ARHGAP24: variants seen among roughly 807,000 people sequenced by gnomAD.
The protein encoded by ARHGAP24 is Rho GTPase activating protein 24, also known as rho GTPase-activating protein 24.
Under a neutral mutation model 76.4 loss-of-function variants are expected in ARHGAP24, and 50 were observed. The observed-to-expected ratio is 0.65, with a 90% CI of 0.52 to 0.83. The LOEUF is 0.83. Among genes scored for constraint, ARHGAP24 ranks in the 40% least tolerant of loss-of-function variants. The probability of loss-of-function intolerance (pLI) is 0.00; values close to 1 mark genes in which losing one functional copy is unlikely to be tolerated. For missense variants in ARHGAP24, 930 were observed against 914.2 expected, an observed-to-expected ratio of 1.02 and a Z score of -0.22; for synonymous variants, 345 against 323.3, an observed-to-expected ratio of 1.07 and a Z score of -0.72.
chr4:85,966,585 T>C (rs1578442892), intron 5 of ARHGAP24, among the ~76,000 whole-genome samples: 1 of 152,172 alleles, frequency 6.6e-6, no homozygotes, highest in Non-Finnish European at 1.5e-5. Context: ...AAAGAGATGC[T>C]GAATTTAGTC....
intron 3 of ARHGAP24, among the ~76,000 whole-genome samples, chr4:85,904,635 A>G (rs1365893173): frequency 6.6e-6 from 1 of 152,262 alleles, no homozygotes; most frequent in Non-Finnish European, 1.5e-5. Context: ...CTGAAAATTA[A>G]TTTTTGGTTT....
At chr4:85,819,912 G>A (rs2110122410) in intron 3 of ARHGAP24, among the ~76,000 whole-genome samples, 1 of 149,710 alleles carries the variant, frequency 6.7e-6, no homozygotes, top group African/African-American at 2.6e-5. Context: ...AATTTCCTGA[G>A]ACCTCCCCAG....
rs573356688 is a variant in ARHGAP24 at position 86,001,460 on chromosome 4, C to T, written c.*738C>T. On this transcript the variant is annotated 3_prime_UTR_variant, in exon 10 of 10. Transcript: ENST00000395184. ...ACCTTGCCAGATCCTCAGTGCGTAT[C>T]GCCAATGCAGGATGCTCCTTAGAAA... 6.6e-4 allele frequency: 264 copies of T among 398,774 alleles called. No individual in the cohort carries two copies. Among genetic ancestry groups the T allele is most frequent in the Non-Finnish European group, 5.2e-4 (117 of 226,048 alleles). The allele number at this position is 398,774 out of a possible 1,614,324, so 24.7% of individuals were successfully genotyped here.
At chr4:85,970,222 T>C (rs958440620) in intron 5 of ARHGAP24, among the ~76,000 whole-genome samples, 1 of 152,176 alleles carries the variant, frequency 6.6e-6, no homozygotes, top group African/African-American at 2.4e-5. Context: ...GACAGGAGGC[T>C]TCCTCCCACT....
chr4:85,914,358 G>T (rs1394285333), intron 3 of ARHGAP24, among the ~76,000 whole-genome samples: 1 of 152,144 alleles, frequency 6.6e-6, no homozygotes, highest in African/African-American at 2.4e-5. Flanking sequence ...CACCCAGCAG[G>T]CATCTTAAAA....
intron 1 of ARHGAP24, among the ~76,000 whole-genome samples, chr4:85,494,235 A>C (rs1045930031): frequency 6.6e-5 from 10 of 151,814 alleles, no homozygotes; most frequent in African/African-American, 1.9e-4. Context: ...TGCCATGGTG[A>C]TTTGCTGCAC....
At chr4:85,494,981 C>G (rs1384476519) in intron 1 of ARHGAP24, among the ~76,000 whole-genome samples, 1 of 151,294 alleles carries the variant, frequency 6.6e-6, no homozygotes, top group African/African-American at 2.4e-5. Context: ...GCCTGTAGTC[C>G]CAGCTACTCG....
At chr4:85,974,059 T>C (rs964989908) in intron 6 of ARHGAP24, among the ~76,000 whole-genome samples, 13 of 151,000 alleles carry the variant, frequency 8.6e-5, no homozygotes, top group Non-Finnish European at 1.9e-4. Context: ...GGTTTCACCT[T>C]GTTAGCCAGG....
chr4:85,669,658 TA>T, intron 2 of ARHGAP24, among the ~76,000 whole-genome samples: 1 of 55,852 alleles, frequency 1.8e-5, no homozygotes, highest in African/African-American at 6.1e-5. Context: ...TATATATATA[TA>T]TATATATATA....
At chr4:85,878,155 G>C (rs1392290406) in intron 3 of ARHGAP24, among the ~76,000 whole-genome samples, 2 of 152,098 alleles carry the variant, frequency 1.3e-5, no homozygotes, top group African/African-American at 4.8e-5. Context: ...TAGATAGGTA[G>C]ATAGAAAAAC....
chr4:85,785,607 A>T (rs950367065), intron 3 of ARHGAP24, among the ~76,000 whole-genome samples: 1 of 152,044 alleles, frequency 6.6e-6, no homozygotes, highest in East Asian at 1.9e-4. Context: ...TTCAATGCTT[A>T]TATGTGGTTT....
intron 3 of ARHGAP24, among the ~76,000 whole-genome samples, chr4:85,722,928 T>G (rs945921542): frequency 1.3e-5 from 2 of 152,180 alleles, no homozygotes; most frequent in Non-Finnish European, 2.9e-5. Context: ...TTCCCCTCGA[T>G]GAAAACAGCT....
At chr4:85,630,266 A>G (rs1721116094) in intron 2 of ARHGAP24, among the ~76,000 whole-genome samples, 1 of 152,018 alleles carries the variant, frequency 6.6e-6, no homozygotes. Flanking sequence ...GTATCATTTA[A>G]TTGTCTATTT....
At chr4:85,553,148 C>G (rs1255033757) in intron 1 of ARHGAP24, among the ~76,000 whole-genome samples, 2 of 152,068 alleles carry the variant, frequency 1.3e-5, no homozygotes, top group Non-Finnish European at 2.9e-5. Context: ...GGTTTGTGGT[C>G]TCGCTGGCTT....
chr4:85,971,916 G>A (rs1739007179), intron 5 of ARHGAP24, 120 bp from the exon 6 acceptor site: 3 of 1,420,916 alleles, frequency 2.1e-6, no homozygotes, highest in Middle Eastern at 1.8e-4. Flanking sequence ...TCTGAAAACT[G>A]GGTTGATTCA....
chr4:85,994,813 A>G lies in ARHGAP24; in HGVS notation c.1159A>G (p.Met387Val), dbSNP rs1463052464. Residue 387 changes from methionine to valine, a missense_variant, in exon 9 of 10, where the codon ATG (methionine) becomes GTG (valine). Met to Val is a conservative substitution (Grantham distance 21). Transcript: ENST00000395184. ...DKSESPQRSS[M>V]NNGSPTALSG... ...GTCTGAGTCACCCCAGAGAAGCAGC[A>G]TGAACAATGGATCCCCCACAGCTCT... 1.9e-6 allele frequency: 3 copies of G among 1,614,070 alleles called. No homozygotes were observed. Among genetic ancestry groups the G allele is most frequent in the South Asian group, 2.2e-5 (2 of 91,090 alleles).
At chr4:85,627,889 T>C (rs1721020189) in intron 2 of ARHGAP24, among the ~76,000 whole-genome samples, 1 of 152,178 alleles carries the variant, frequency 6.6e-6, no homozygotes, top group Non-Finnish European at 1.5e-5. Context: ...GTGCGGGATA[T>C]AATCTCCTGG....
intron 2 of ARHGAP24, among the ~76,000 whole-genome samples, chr4:85,582,941 C>T (rs1727678404): frequency 6.6e-6 from 1 of 152,066 alleles, no homozygotes; most frequent in South Asian, 2.1e-4. Flanking sequence ...ACTTTTGTTT[C>T]TGACCTGTTG....
At position 85,485,681 on chromosome 4, in the gene ARHGAP24, G is replaced by A. The variant is rs150333105; in HGVS notation, c.-21+10122G>A. The stretch of plus-strand genomic sequence containing the variant: ...AGGGCTAGAGTAAATTCTTTTTAAG[G>A]TTGTTCCAACATAGAAAAGTCTATG... On this transcript the variant is annotated intron_variant, in intron 1 of 9. Transcript: ENST00000395184. 7.9e-3 allele frequency among the ~76,000 whole-genome samples: 1,192 copies of A among 150,776 alleles called. 10 individuals are homozygous for A. The highest frequency in any genetic ancestry group is 0.028 in the Middle Eastern group (8 of 288).
Sources: gnomAD v4.1 joint callset for allele counts (sites outside exome capture counted in the v4.1 genomes callset) on GRCh38, gnomAD v4.1.1 for gene constraint, MANE v1.5 for transcripts, NCBI Gene and HGNC (gene_info 2026-07-23, HGNC 2026-07-21) for gene names.